ADAMTS9: variants seen among roughly 807,000 people sequenced by gnomAD.
ADAMTS9 encodes the protein A disintegrin and metalloproteinase with thrombospondin motifs 9.
In ADAMTS9, 107 loss-of-function variants were observed where a neutral mutation model predicts 257.1. The observed-to-expected ratio is 0.42, with a 90% CI of 0.36 to 0.49. The LOEUF is 0.49. Ranked by LOEUF, ADAMTS9 falls within the 20% of genes least tolerant of loss-of-function variation. ADAMTS9 has a pLI of 0.03. For synonymous variants in ADAMTS9, 982 were observed against 880.9 expected (o/e 1.11, Z -2.03); for missense variants, 2,353 against 2,469.1 (o/e 0.95, Z 1.00).
chr3:64,522,919 A>G (rs1219696830), intron 38 of ADAMTS9, among the ~76,000 whole-genome samples: 1 of 152,218 alleles, frequency 6.6e-6, no homozygotes, highest in Non-Finnish European at 1.5e-5. Flanking sequence ...AAATGACACT[A>G]TAGCTGTGCT....
chr3:64,654,561 A>G lies in ADAMTS9; in HGVS notation c.1210+11T>C. The stretch of plus-strand genomic sequence containing the variant: ...GGTTTTAGCCATAGAAGATACGCAC[A>G]GAGAACTCACCTAAGGTATCACATT... On this transcript the variant is annotated intron_variant, in intron 7 of 39. Coordinates refer to ENST00000498707, the MANE Select transcript of ADAMTS9 (RefSeq NM_182920.2). The G allele has an allele frequency of 6.2e-7, 1 of 1,614,132 alleles. No individual in the cohort carries two copies. Among genetic ancestry groups the G allele is most frequent in the South Asian group, 1.1e-5 (1 of 91,078 alleles).
At chr3:64,673,844 T>C (rs1407130537) in intron 3 of ADAMTS9, among the ~76,000 whole-genome samples, 1 of 152,024 alleles carries the variant, frequency 6.6e-6, no homozygotes, top group Non-Finnish European at 1.5e-5. Flanking sequence ...AATAAGCAAA[T>C]GTAGAAAAAT....
At chr3:64,608,285 G>C (rs1355377961) in intron 22 of ADAMTS9, among the ~76,000 whole-genome samples, 2 of 118,140 alleles carry the variant, frequency 1.7e-5, no homozygotes, top group Non-Finnish European at 3.5e-5. Flanking sequence ...AACAAGAAAA[G>C]GAAGGAAATA....
chr3:64,685,747 G>A (rs1185949000), intron 2 of ADAMTS9, among the ~76,000 whole-genome samples: 2 of 152,170 alleles, frequency 1.3e-5, no homozygotes, highest in Non-Finnish European at 2.9e-5. Context: ...GTGCGCCGCA[G>A]GCTCCCTCTC....
intron 4 of ADAMTS9, among the ~76,000 whole-genome samples, chr3:64,657,828 A>G (rs1358962916): frequency 6.6e-6 from 1 of 152,216 alleles, no homozygotes; most frequent in Non-Finnish European, 1.5e-5. Context: ...AAGTCTGCAT[A>G]GAGAATGATA....
At chr3:64,544,719 C>G (rs190294483) in intron 32 of ADAMTS9, among the ~76,000 whole-genome samples, 6 of 152,268 alleles carry the variant, frequency 3.9e-5, no homozygotes, top group East Asian at 3.9e-4. Context: ...GACTTCATGA[C>G]TAAAACACCA....
Position 64,515,730 on chromosome 3 carries a change from A to G in ADAMTS9, c.*1397T>C, listed in dbSNP as rs1408653050. On this transcript the variant is annotated 3_prime_UTR_variant, in exon 40 of 40. Transcript: ENST00000498707. ...AATGGAGAATAACACTTATTCATAT[A>G]CTGAATATAACTTTTCCTGGAGCAC... 6.6e-6 allele frequency: 1 copy of G among 152,194 alleles called. No homozygotes were observed. The allele number at this position is 152,194 out of a possible 1,614,324, so 9.4% of individuals were successfully genotyped here.
At chr3:64,518,779 T>G (rs2082814269) in intron 39 of ADAMTS9, among the ~76,000 whole-genome samples, 1 of 141,834 alleles carries the variant, frequency 7.1e-6, no homozygotes, top group Non-Finnish European at 1.5e-5. Flanking sequence ...TTTTTTTTTT[T>G]TTTTTTTTTT....
chr3:64,565,961 T>C (rs1340025764), intron 29 of ADAMTS9, among the ~76,000 whole-genome samples: 2 of 152,190 alleles, frequency 1.3e-5, no homozygotes, highest in Admixed American at 6.5e-5. Flanking sequence ...GCAGAGAAAC[T>C]GTAAAGATTA....
At chr3:64,530,610 G>T (rs550387769) in intron 38 of ADAMTS9, among the ~76,000 whole-genome samples, 2 of 151,938 alleles carry the variant, frequency 1.3e-5, no homozygotes, top group Non-Finnish European at 2.9e-5. Context: ...AAAAGTCTTG[G>T]GGAACAGCCA....
intron 10 of ADAMTS9, among the ~76,000 whole-genome samples, chr3:64,648,419 G>A (rs1700849203): frequency 6.6e-6 from 1 of 152,116 alleles, no homozygotes; most frequent in Non-Finnish European, 1.5e-5. Context: ...TAAATCTCCA[G>A]TAATAGACAG....
chr3:64,657,555 G>C (rs1474564293), intron 4 of ADAMTS9, among the ~76,000 whole-genome samples: 1 of 151,696 alleles, frequency 6.6e-6, no homozygotes, highest in Admixed American at 6.6e-5. Flanking sequence ...TGCCCAGGCT[G>C]GTCTTAAACT....
intron 15 of ADAMTS9, 36 bp from the exon 16 acceptor site, chr3:64,631,586 G>T: frequency 6.5e-7 from 1 of 1,533,168 alleles, no homozygotes; most frequent in Non-Finnish European, 9.0e-7. Flanking sequence ...GTACTCCACA[G>T]AATGGTTCAC....
chr3:64,657,593 CT>C (rs1002677292), intron 4 of ADAMTS9, among the ~76,000 whole-genome samples: 9 of 152,090 alleles, frequency 5.9e-5, no homozygotes, highest in African/African-American at 2.2e-4. Context: ...CCACCTCAGC[CT>C]CCTAAAGTGT....
Position 64,615,440 on chromosome 3 carries a change from A to G in ADAMTS9, c.3070T>C (p.Cys1024Arg). 1 of 1,614,002 alleles carries G rather than the reference A, an allele frequency of 6.2e-7. No individual in the cohort carries two copies. The highest frequency in any genetic ancestry group is 1.7e-5 in the Admixed American group (1 of 60,020). ...AGTACATCATTTCGGGTATTGACAC[A>G]AATAGCCCTTCTCCTCTGGGTCCCA... is the stretch of plus-strand genomic sequence containing the variant. Reference protein sequence around the residue: ...DGGTQRRRAICVNTRNDVLDD... With the variant: ...DGGTQRRRAIRVNTRNDVLDD... The change falls in exon 21 of 40, where the codon TGT becomes CGT. Residue 1024 changes from cysteine (C) to arginine (R), a missense_variant. Physicochemically the swap from Cys to Arg is radical, Grantham distance 180. Around this residue, in one of 3 missense-constraint regions of ADAMTS9, gnomAD observed 1,402 missense variants for 1,441.4 expected, o/e 0.97. Transcript: ENST00000498707.
Position 64,665,166 on chromosome 3 carries a change from C to T in ADAMTS9, c.680-6375G>A, listed in dbSNP as rs1297529478. Among the ~76,000 whole-genome samples the T allele has an allele frequency of 2.0e-5, 3 of 152,170 alleles. No homozygotes were observed. In the East Asian group the frequency reaches 5.8e-4, roughly 29 times the overall value. On this transcript the variant is annotated intron_variant, in intron 3 of 39. Coordinates refer to ENST00000498707, the MANE Select transcript of ADAMTS9 (RefSeq NM_182920.2). The stretch of plus-strand genomic sequence containing the variant: ...GCTCTAACTGGCAACTGTATGTTTC[C>T]TATCGCCACATCATAGGTATTACAG...
chr3:64,657,243 G>A (rs1372311253), intron 4 of ADAMTS9, among the ~76,000 whole-genome samples: 1 of 152,046 alleles, frequency 6.6e-6, no homozygotes, highest in Non-Finnish European at 1.5e-5. Context: ...GGATTTTGAA[G>A]CCTTAGTATA....
intron 10 of ADAMTS9, 84 bp from the exon 11 acceptor site, chr3:64,648,128 T>C: frequency 8.1e-7 from 1 of 1,233,648 alleles, no homozygotes; most frequent in East Asian, 2.4e-5. Context: ...TTTCAACTAA[T>C]GTTTCACCAA....
chr3:64,647,875 T>G, intron 11 of ADAMTS9, 65 bp downstream of exon 11: 1 of 1,441,262 alleles, frequency 6.9e-7, no homozygotes, highest in Non-Finnish European at 9.5e-7. Context: ...CGGTGTCTGA[T>G]CATACACCCA....
Sources: gnomAD v4.1 joint callset for allele counts (sites outside exome capture counted in the v4.1 genomes callset) on GRCh38, gnomAD v4.1.1 for gene constraint, gnomAD v4.1.1 regional missense constraint, MANE v1.5 for transcripts, NCBI Gene and HGNC (gene_info 2026-07-23, HGNC 2026-07-21) for gene names.